Variants in FAF1 observed in about 807,000 individuals in gnomAD.
The protein encoded by FAF1 is FAS-associated factor 1.
In FAF1, 25 loss-of-function variants were observed where a neutral mutation model predicts 92.5. The ratio of observed to expected loss-of-function variants is 0.27; its 90% CI spans 0.20 to 0.38. The LOEUF is 0.38. Ranked by LOEUF, FAF1 falls within the 10% of genes least tolerant of loss-of-function variation. The pLI is 1.00. For missense variants in FAF1, 636 were observed against 793.3 expected (o/e 0.80, Z 2.38); for synonymous variants, 234 against 273.2 (o/e 0.86, Z 1.42).
In FAF1 at chr1:50,897,773, A is replaced by G. The variant is rs74080102; in HGVS notation, c.46-39776T>C. ...TTTTCCATTCACTAGGCTCAGACAT[A>G]TGACTTTACTCTATCAATGCAAAAC... On this transcript the variant is annotated intron_variant, in intron 1 of 18. Transcript: ENST00000396153. Among the ~76,000 whole-genome samples, 1,173 of 152,308 alleles carry G rather than the reference A, an allele frequency of 7.7e-3. 13 individuals are homozygous for G. The highest frequency in any genetic ancestry group is 0.027 in the African/African-American group (1,133 of 41,564).
intron 2 of FAF1, among the ~76,000 whole-genome samples, chr1:50,836,301 G>A (rs1644204826): frequency 6.6e-6 from 1 of 150,648 alleles, no homozygotes; most frequent in Non-Finnish European, 1.5e-5. Flanking sequence ...CTCCCAAAGT[G>A]CTGGGTATAA....
intron 7 of FAF1, among the ~76,000 whole-genome samples, chr1:50,698,783 T>C (rs773787836): frequency 1.3e-5 from 2 of 152,116 alleles, no homozygotes; most frequent in African/African-American, 4.8e-5. Context: ...AGTACATTAA[T>C]ATGAATCAAA....
chr1:50,461,894 A>G (rs1389454521), intron 18 of FAF1, among the ~76,000 whole-genome samples: 2 of 144,236 alleles, frequency 1.4e-5, no homozygotes, highest in East Asian at 2.0e-4. Flanking sequence ...AAAAAAAAAG[A>G]AAAAAAAAAG....
At position 50,534,815 on chromosome 1, in the gene FAF1, A is replaced by G. The variant is rs12092766; in HGVS notation, c.1494+554T>C. On this transcript the variant is annotated intron_variant, in intron 15 of 18. Transcript: ENST00000396153. ...TGTCATCGATAATGTTTTTATTATTATTTTATTTGAGGTTCTATGTTCATG... is the reference window on the plus strand; with the variant it reads ...TGTCATCGATAATGTTTTTATTATTGTTTTATTTGAGGTTCTATGTTCATG... 1.0e-2 allele frequency among the ~76,000 whole-genome samples: 1,520 copies of G among 152,212 alleles called. 25 individuals are homozygous for G. Among genetic ancestry groups the G allele is most frequent in the African/African-American group, 0.035 (1,441 of 41,530 alleles).
At chr1:50,482,133 G>A (rs946106304) in intron 17 of FAF1, among the ~76,000 whole-genome samples, 1 of 152,066 alleles carries the variant, frequency 6.6e-6, no homozygotes, top group Non-Finnish European at 1.5e-5. Flanking sequence ...CTCTCTCCCC[G>A]TTCAAATTTC....
At chr1:50,607,264 A>T (rs979782695) in intron 8 of FAF1, among the ~76,000 whole-genome samples, 1 of 152,154 alleles carries the variant, frequency 6.6e-6, no homozygotes, top group African/African-American at 2.4e-5. Flanking sequence ...AATACTTGGG[A>T]AAAACACTAT....
At chr1:50,876,873 C>T (rs1644576359) in intron 1 of FAF1, among the ~76,000 whole-genome samples, 1 of 152,068 alleles carries the variant, frequency 6.6e-6, no homozygotes, top group Non-Finnish European at 1.5e-5. Flanking sequence ...CATGAGCCAC[C>T]GCACCCAGCC....
chr1:50,805,809 A>T (rs1662172221), intron 2 of FAF1, among the ~76,000 whole-genome samples: 1 of 152,232 alleles, frequency 6.6e-6, no homozygotes, highest in Non-Finnish European at 1.5e-5. Flanking sequence ...CTCAAAAATA[A>T]CTTATGAGTA....
intron 6 of FAF1, among the ~76,000 whole-genome samples, chr1:50,735,567 T>G (rs1423364887): frequency 6.6e-6 from 1 of 152,194 alleles, no homozygotes; most frequent in Admixed American, 6.5e-5. Flanking sequence ...AGGCACCCCC[T>G]AGTGGCAGTA....
At chr1:50,953,577 A>C (rs1645238308) in intron 1 of FAF1, among the ~76,000 whole-genome samples, 1 of 151,982 alleles carries the variant, frequency 6.6e-6, no homozygotes, top group Non-Finnish European at 1.5e-5. Flanking sequence ...ATTTCTACTA[A>C]AAGTACAAAA....
intron 2 of FAF1, among the ~76,000 whole-genome samples, chr1:50,828,140 T>C (rs1169335902): frequency 6.6e-6 from 1 of 151,912 alleles, no homozygotes; most frequent in Non-Finnish European, 1.5e-5. Context: ...ATGAAGCAAG[T>C]ATAGACAAAT....
intron 15 of FAF1, among the ~76,000 whole-genome samples, chr1:50,495,578 C>T (rs546682380): frequency 4.6e-5 from 7 of 152,310 alleles, no homozygotes; most frequent in Admixed American, 4.6e-4. Context: ...TATGTTAGTA[C>T]AGATATCTCT....
At chr1:50,846,783 G>A (rs1277559350) in intron 2 of FAF1, 4 of 696,232 alleles carry the variant, frequency 5.7e-6, no homozygotes, top group Non-Finnish European at 1.0e-5. Context: ...AGAATGTGAA[G>A]GGATTGTCCC....
chr1:50,896,020 G>A (rs959070054), intron 1 of FAF1, among the ~76,000 whole-genome samples: 2 of 152,066 alleles, frequency 1.3e-5, no homozygotes, highest in South Asian at 2.1e-4. Flanking sequence ...ACTGCTATTC[G>A]ACACAGTACT....
chr1:50,744,593 T>A, intron 5 of FAF1, 91 bp downstream of exon 5: 2 of 818,664 alleles, frequency 2.4e-6, no homozygotes, highest in Non-Finnish European at 4.1e-6. Context: ...CTGCCATATG[T>A]AACAACATTA....
intron 1 of FAF1, among the ~76,000 whole-genome samples, chr1:50,895,491 CAG>C (rs200027447): frequency 0.014 from 2,098 of 152,232 alleles, 47 homozygotes; most frequent in African/African-American, 0.047. Context: ...TTACAAAAAA[CAG>C]AGGAGAATAC....
intron 8 of FAF1, among the ~76,000 whole-genome samples, chr1:50,623,706 C>T (rs761049927): frequency 6.6e-6 from 1 of 151,990 alleles, no homozygotes; most frequent in Non-Finnish European, 1.5e-5. Context: ...CTTTGAGAGG[C>T]CAAGGTGGGA....
At chr1:50,871,267 T>C (rs1644525838) in intron 1 of FAF1, among the ~76,000 whole-genome samples, 1 of 152,244 alleles carries the variant, frequency 6.6e-6, no homozygotes, top group African/African-American at 2.4e-5. Context: ...CAGCAAGTGC[T>C]GATGTAGAAG....
At chr1:50,588,528 G>C (rs1203306577) in intron 9 of FAF1, among the ~76,000 whole-genome samples, 10 of 152,196 alleles carry the variant, frequency 6.6e-5, no homozygotes, top group Admixed American at 6.5e-4. Flanking sequence ...TGTGGAGAGA[G>C]GGTAGAGAAG....
Sources: allele counts gnomAD v4.1 joint callset (sites outside exome capture counted in the v4.1 genomes callset), GRCh38; gene constraint gnomAD v4.1.1; transcripts MANE v1.5; gene names NCBI Gene and HGNC (gene_info 2026-07-23, HGNC 2026-07-21).